CHD2: variants seen among roughly 807,000 people sequenced by gnomAD.
CHD2 encodes chromodomain helicase DNA binding protein 2, also known as ATP-dependent chromatin remodeler CHD2.
Under a neutral mutation model 243.9 loss-of-function variants are expected in CHD2, and 28 were observed. That is an observed-to-expected ratio of 0.11 (90% CI 0.09 to 0.16). The LOEUF (loss-of-function observed/expected upper bound fraction) is 0.16, where lower values mean the gene tolerates loss of function less well. CHD2 is among the 10% of genes least tolerant of loss of function. CHD2 has a pLI of 1.00. For synonymous variants in CHD2, 775 were observed against 779.0 expected, an observed-to-expected ratio of 0.99 and a Z score of 0.09; for missense variants, 1,386 against 2,209.8, an observed-to-expected ratio of 0.63 and a Z score of 7.47.
intron 2 of CHD2, chr15:92,904,738 T>G (rs1596362654): frequency 7.2e-7 from 1 of 1,395,264 alleles, no homozygotes; most frequent in African/African-American, 1.5e-5. Context: ...TTTGCCCAGT[T>G]TTACATTTTC....
chr15:92,979,323 T>A (rs2053947687), intron 22 of CHD2, 40 bp downstream of exon 22: 1 of 1,603,794 alleles, frequency 6.2e-7, no homozygotes, highest in Admixed American at 1.7e-5. Flanking sequence ...AGAATCAAAT[T>A]GATTCTACAT....
chr15:93,013,919 A>G (rs999479457), intron 36 of CHD2, among the ~76,000 whole-genome samples: 3 of 118,300 alleles, frequency 2.5e-5, no homozygotes, highest in Non-Finnish European at 5.1e-5. Context: ...ACAGAGTGAG[A>G]CTCTGTCTCA....
At chr15:92,946,526 G>A (rs190411972) in intron 12 of CHD2, 279 of 164,220 alleles carry the variant, frequency 1.7e-3, no homozygotes, top group African/African-American at 6.1e-3. Flanking sequence ...TCGCTGTGTC[G>A]CCCAGGCTGG....
intron 20 of CHD2, 58 bp from the exon 21 acceptor site, chr15:92,978,176 C>CT (rs1271966313): frequency 6.2e-7 from 1 of 1,604,818 alleles, no homozygotes; most frequent in Admixed American, 1.7e-5. Context: ...GCTTATTGGA[C>CT]TGTGAAACTG....
chr15:93,016,787 A>AAAAAAAAAAAT (rs1462562333), intron 37 of CHD2, among the ~76,000 whole-genome samples: 1 of 151,436 alleles, frequency 6.6e-6, no homozygotes, highest in Admixed American at 6.6e-5. Flanking sequence ...CTCAAAAAAA[A>AAAAAAAAAAAT]AAAAAAATTG....
intron 4 of CHD2, among the ~76,000 whole-genome samples, chr15:92,927,560 A>G (rs1213479250): frequency 6.6e-6 from 1 of 152,220 alleles, no homozygotes; most frequent in African/African-American, 2.4e-5. Flanking sequence ...AGAGTATTAT[A>G]CAGAACTGAC....
intron 24 of CHD2, 103 bp from the exon 25 acceptor site, chr15:92,984,227 T>A: frequency 1.2e-6 from 1 of 837,394 alleles, no homozygotes; most frequent in Non-Finnish European, 1.7e-6. Flanking sequence ...ACAAAAGTCC[T>A]ATTATTCACA....
At chr15:92,941,996 T>G (rs2053389250) in intron 8 of CHD2, 41 bp downstream of exon 8, 1 of 1,573,634 alleles carries the variant, frequency 6.4e-7, no homozygotes, top group Admixed American at 1.8e-5. Context: ...TATGTATGCT[T>G]AGTAAGACTT....
At chr15:92,941,152 C>A (rs2053376465) in intron 7 of CHD2, among the ~76,000 whole-genome samples, 1 of 151,100 alleles carries the variant, frequency 6.6e-6, no homozygotes, top group Admixed American at 6.6e-5. Context: ...CAGGCGCCCA[C>A]CATGCCGGCT....
In CHD2 at chr15:92,969,842, C is replaced by T. The variant is rs1274784484; in HGVS notation, c.2190-1923C>T. Among the ~76,000 whole-genome samples, 37 of 146,350 alleles carry T rather than the reference C, an allele frequency of 2.5e-4. 1 individual carries two copies. The highest frequency in any genetic ancestry group is 9.0e-5 in the Non-Finnish European group (6 of 66,982). ...TTTTTTTTTTTTTGAGACGGAGTCT[C>T]ACTCTGTTACCCAGGCTGGAGTGTA... On this transcript the variant is annotated intron_variant, in intron 17 of 38. Coordinates refer to ENST00000394196, the MANE Select transcript of CHD2 (RefSeq NM_001271.4).
At position 92,924,490 on chromosome 15, in the gene CHD2, G is replaced by T; in HGVS notation, c.232G>T (p.Val78Phe). ...ATCAGCAGGTTCCAAATCCCAGCCA[G>T]TCCTCCCAGAAGCCAAAGAGAAGCC... ...SESAGSKSQP[V>F]LPEAKEKPAS... Residue 78 changes from valine (V) to phenylalanine (F), a missense_variant, in exon 3 of 39, where the codon GTC becomes TTC. Transcript: ENST00000394196. 1 of 1,614,120 alleles carries T rather than the reference G, an allele frequency of 6.2e-7. No individual in the cohort carries two copies. Among genetic ancestry groups the T allele is most frequent in the Non-Finnish European group, 8.5e-7 (1 of 1,180,028 alleles).
intron 9 of CHD2, chr15:92,943,914 G>A (rs561351114): frequency 1.3e-5 from 2 of 152,358 alleles, no homozygotes; most frequent in East Asian, 1.9e-4. Flanking sequence ...GGTGAGGTAG[G>A]CTTGTAAAGC....
At chr15:92,970,275 C>T (rs1219741322) in intron 17 of CHD2, among the ~76,000 whole-genome samples, 1 of 152,062 alleles carries the variant, frequency 6.6e-6, no homozygotes, top group Non-Finnish European at 1.5e-5. Flanking sequence ...GATCTCAGCT[C>T]ACCTCAACCT....
chr15:92,942,379 A>G (rs1400062590), intron 8 of CHD2, among the ~76,000 whole-genome samples: 1 of 151,700 alleles, frequency 6.6e-6, no homozygotes, highest in Non-Finnish European at 1.5e-5. Context: ...AAATACCAAA[A>G]TAATACTTAA....
chr15:92,994,239 TAG>T, intron 28 of CHD2, among the ~76,000 whole-genome samples: 1 of 152,332 alleles, frequency 6.6e-6, no homozygotes, highest in Middle Eastern at 3.4e-3. Flanking sequence ...ATTTGCAAAA[TAG>T]AGTAATAGTA....
chr15:92,953,880 A>G lies in CHD2; in HGVS notation c.1719+307A>G, dbSNP rs8028046. ...GATTGCTTTATATGAGATAATATGG[A>G]GTTAATACTTTGTGTAATATTAATA... is the stretch of plus-strand genomic sequence containing the variant. On this transcript the variant is annotated intron_variant, in intron 14 of 38. Coordinates refer to ENST00000394196, the MANE Select transcript of CHD2 (RefSeq NM_001271.4). The G allele has an allele frequency of 1.5e-3, 384 of 249,242 alleles. 1 individual carries two copies. Among genetic ancestry groups the G allele is most frequent in the African/African-American group, 8.0e-3 (358 of 44,706 alleles). The allele number at this position is 249,242 out of a possible 1,614,324, so 15.4% of individuals were successfully genotyped here.
chr15:92,959,080 G>T (rs2053652686), intron 16 of CHD2, among the ~76,000 whole-genome samples: 2 of 152,206 alleles, frequency 1.3e-5, no homozygotes, highest in Non-Finnish European at 2.9e-5. Flanking sequence ...AAGAGAAAAA[G>T]TTATTGATTT....
intron 21 of CHD2, 30 bp downstream of exon 21, chr15:92,978,413 T>G: frequency 2.5e-6 from 4 of 1,604,612 alleles, no homozygotes; most frequent in Non-Finnish European, 3.4e-6. Context: ...TGGAAATTGC[T>G]TTAGGGTTGG....
intron 24 of CHD2, among the ~76,000 whole-genome samples, chr15:92,983,877 A>G (rs1330412927): frequency 6.6e-6 from 1 of 152,224 alleles, no homozygotes; most frequent in African/African-American, 2.4e-5. Context: ...TAAAGCAACC[A>G]GTTGGCTAGA....
Sources: gnomAD v4.1 joint callset for allele counts (sites outside exome capture counted in the v4.1 genomes callset) on GRCh38, gnomAD v4.1.1 for gene constraint, MANE v1.5 for transcripts, NCBI Gene and HGNC (gene_info 2026-07-23, HGNC 2026-07-21) for gene names.